Variants in NALF1 observed in about 807,000 individuals in gnomAD.
NALF1 encodes the protein family with sequence similarity 155 member A.
NALF1 carries 3 observed loss-of-function variants against 48.4 expected under a neutral mutation model. That is an observed-to-expected ratio of 0.06 (90% CI 0.03 to 0.16). The LOEUF is 0.16. Among genes scored for constraint, NALF1 ranks in the 10% least tolerant of loss-of-function variants. NALF1 has a pLI of 1.00. For missense variants in NALF1, 526 were observed against 571.5 expected, an observed-to-expected ratio of 0.92 and a Z score of 0.81; for synonymous variants, 262 against 245.7, an observed-to-expected ratio of 1.07 and a Z score of -0.62.
intron 1 of NALF1, among the ~76,000 whole-genome samples, chr13:107,465,333 A>G (rs1198933663): frequency 2.2e-5 from 3 of 136,128 alleles, no homozygotes; most frequent in African/African-American, 8.4e-5. Context: ...ATATATATAT[A>G]TGTCTCTTTG....
intron 2 of NALF1, among the ~76,000 whole-genome samples, chr13:107,186,381 A>G (rs1879172195): frequency 1.3e-5 from 2 of 151,876 alleles, no homozygotes; most frequent in African/African-American, 4.8e-5. Flanking sequence ...TTATTTATTT[A>G]TTTTTGAGAC....
chr13:107,260,969 T>G (rs978256264), intron 1 of NALF1, among the ~76,000 whole-genome samples: 2 of 152,174 alleles, frequency 1.3e-5, no homozygotes, highest in South Asian at 2.1e-4. Context: ...TTCTGTCACA[T>G]TTCGAAGATG....
chr13:107,747,602 G>T (rs1387675045), intron 1 of NALF1, among the ~76,000 whole-genome samples: 16 of 152,114 alleles, frequency 1.1e-4, no homozygotes, highest in Admixed American at 1.0e-3. Flanking sequence ...AACTAGTGGA[G>T]AATCATATGG....
At chr13:107,523,758 A>C (rs1039437071) in intron 1 of NALF1, among the ~76,000 whole-genome samples, 1 of 151,960 alleles carries the variant, frequency 6.6e-6, no homozygotes, top group Non-Finnish European at 1.5e-5. Context: ...TAAAAATAAC[A>C]AATTATTTTG....
chr13:107,572,096 CATG>C (rs908871996), intron 1 of NALF1, among the ~76,000 whole-genome samples: 16 of 152,242 alleles, frequency 1.1e-4, no homozygotes, highest in Middle Eastern at 3.4e-3. Flanking sequence ...TTCACATTAA[CATG>C]ATAATTGATA....
At position 107,270,745 on chromosome 13, in the gene NALF1, T is replaced by C. The variant is rs557475450; in HGVS notation, c.916-59990A>G. Among the ~76,000 whole-genome samples the C allele has an allele frequency of 7.2e-5, 11 of 152,108 alleles. No individual in the cohort carries two copies. In the East Asian group the frequency reaches 2.1e-3, roughly 29 times the overall value. On this transcript the variant is annotated intron_variant, in intron 1 of 2. Coordinates refer to ENST00000375915, the MANE Select transcript of NALF1 (RefSeq NM_001080396.3). The stretch of plus-strand genomic sequence containing the variant: ...TTGTTACATATGTATACATGTGCCA[T>C]GTTGGTGTGCTGCACCCATTAACTC...
At chr13:107,517,808 A>T (rs1221058809) in intron 1 of NALF1, among the ~76,000 whole-genome samples, 2 of 152,212 alleles carry the variant, frequency 1.3e-5, no homozygotes, top group South Asian at 4.1e-4. Context: ...TACAAAAGTT[A>T]GCCAGGCCTG....
chr13:107,522,493 T>C (rs1876276451), intron 1 of NALF1, among the ~76,000 whole-genome samples: 1 of 152,208 alleles, frequency 6.6e-6, no homozygotes, highest in South Asian at 2.1e-4. Context: ...ATATGTGGTT[T>C]CTTCTCTACA....
In NALF1 at chr13:107,824,771, C is replaced by T. The variant is rs1417821357; in HGVS notation, c.915+40911G>A. 3.9e-5 allele frequency among the ~76,000 whole-genome samples: 6 copies of T among 152,294 alleles called. No individual in the cohort carries two copies. The East Asian group carries it at 5.8e-4, about 15-fold the overall frequency. On this transcript the variant is annotated intron_variant, in intron 1 of 2. Coordinates refer to ENST00000375915, the MANE Select transcript of NALF1 (RefSeq NM_001080396.3). ...AGCTTGTTTTTGATGAGAATCCTGA[C>T]GAGCATGCAGGTGCACGTGGTGTTC...
Position 107,362,756 on chromosome 13 carries a change from T to C in NALF1, c.916-152001A>G. ...AGCTCCTATGATCCAGCAAACACCG[T>C]GTGTGCTTTTACAACTTTCCCATAG... On this transcript the variant is annotated intron_variant, in intron 1 of 2. Coordinates refer to ENST00000375915, the MANE Select transcript of NALF1 (RefSeq NM_001080396.3). This position sits in a 1 kb window ranked among gnomAD's most constrained non-coding sequence, Gnocchi z 4.6. 6.6e-6 allele frequency among the ~76,000 whole-genome samples: 1 copy of C among 152,104 alleles called. No individual in the cohort carries two copies. The highest frequency in any genetic ancestry group is 6.6e-5 in the Admixed American group (1 of 15,256).
At chr13:107,794,093 A>G (rs928545161) in intron 1 of NALF1, among the ~76,000 whole-genome samples, 17 of 152,198 alleles carry the variant, frequency 1.1e-4, no homozygotes, top group Non-Finnish European at 1.8e-4. Flanking sequence ...TAAATGTCTT[A>G]TTTATGTAAA....
At chr13:107,370,926 C>T (rs1214231407) in intron 1 of NALF1, among the ~76,000 whole-genome samples, 1 of 152,144 alleles carries the variant, frequency 6.6e-6, no homozygotes, top group African/African-American at 2.4e-5. Flanking sequence ...TGCTCATTCT[C>T]AAGAGGACAT....
chr13:107,480,399 T>C (rs570248822), intron 1 of NALF1, among the ~76,000 whole-genome samples: 4 of 152,322 alleles, frequency 2.6e-5, no homozygotes, highest in African/African-American at 9.6e-5. Flanking sequence ...AATTCTAGCA[T>C]ATCTGCCTTG....
intron 1 of NALF1, among the ~76,000 whole-genome samples, chr13:107,708,731 T>C (rs1875478343): frequency 2.0e-5 from 3 of 152,076 alleles, no homozygotes; most frequent in African/African-American, 4.8e-5. Context: ...ATTTTTTTTT[T>C]CCTTCAACTT....
At chr13:107,772,564 C>T (rs1269669929) in intron 1 of NALF1, among the ~76,000 whole-genome samples, 1 of 151,816 alleles carries the variant, frequency 6.6e-6, no homozygotes, top group East Asian at 1.9e-4. Context: ...AAAAAAAGTC[C>T]CTAATTAAGA....
At chr13:107,771,656 T>C (rs373009021) in intron 1 of NALF1, among the ~76,000 whole-genome samples, 1 of 152,188 alleles carries the variant, frequency 6.6e-6, no homozygotes, top group Non-Finnish European at 1.5e-5. Context: ...AGATGTTTAC[T>C]GTTAAGGGAA....
intron 1 of NALF1, among the ~76,000 whole-genome samples, chr13:107,813,436 TA>T (rs1374609814): frequency 1.3e-5 from 2 of 152,216 alleles, no homozygotes; most frequent in Non-Finnish European, 2.9e-5. Context: ...TTTCATGTTG[TA>T]AAGCTCAAAA....
At chr13:107,769,394 C>T (rs948031803) in intron 1 of NALF1, among the ~76,000 whole-genome samples, 5 of 147,082 alleles carry the variant, frequency 3.4e-5, no homozygotes, top group Admixed American at 2.7e-4. Context: ...TTTGTAGGGA[C>T]GTGGATGAAA....
Position 107,866,878 on chromosome 13 carries a change from T to G in NALF1, c.-282A>C. ...CTAATCATCAGCCGACCCCATCCTC[T>G]GTAGAGTGGGAAACAATAATGGAGA... On this transcript the variant is annotated 5_prime_UTR_variant, in exon 1 of 3. Coordinates refer to ENST00000375915, the MANE Select transcript of NALF1 (RefSeq NM_001080396.3). This position sits in a 1 kb window ranked among gnomAD's most constrained non-coding sequence, Gnocchi z 4.4. The G allele has an allele frequency of 2.2e-6, 1 of 453,376 alleles. No homozygotes were observed. The allele number at this position is 453,376 out of a possible 1,614,324, so 28.1% of individuals were successfully genotyped here.
Sources: allele counts gnomAD v4.1 joint callset (sites outside exome capture counted in the v4.1 genomes callset), GRCh38; gene constraint gnomAD v4.1.1; non-coding constraint Gnocchi (gnomAD v3.1); transcripts MANE v1.5; gene names NCBI Gene and HGNC (gene_info 2026-07-23, HGNC 2026-07-21).